Variants in PNPLA4 observed in about 807,000 individuals in gnomAD.
The protein encoded by PNPLA4 is patatin-like phospholipase domain-containing protein 4.
In PNPLA4, 15 loss-of-function variants were observed where a neutral mutation model predicts 18.3. The ratio of observed to expected loss-of-function variants is 0.82; its 90% confidence interval spans 0.55 to 1.26. The LOEUF is 1.26. Among genes scored for constraint, PNPLA4 ranks in the 50% most tolerant of loss-of-function variants. The pLI is 0.00. For synonymous variants in PNPLA4, 88 were observed against 85.6 expected (o/e 1.03, Z -0.16); for missense variants, 229 against 196.8 (o/e 1.16, Z -0.98).
At chrX:7,921,061 G>A (rs1478527622) in intron 4 of PNPLA4, among the ~76,000 whole-genome samples, 2 of 111,764 alleles carry the variant, frequency 1.8e-5, no homozygotes, top group East Asian at 5.6e-4. Context: ...TTTGAGGTCA[G>A]TAGTTCAAGA....
intron 5 of PNPLA4, among the ~76,000 whole-genome samples, chrX:7,909,777 C>T (rs2146756539): frequency 9.0e-6 from 1 of 110,718 alleles, no homozygotes; most frequent in Admixed American, 9.7e-5. Context: ...GAAAGATATA[C>T]AACTTTCCTT....
intron 2 of PNPLA4, among the ~76,000 whole-genome samples, chrX:7,923,271 GGGAAGGAGGGA>G (rs1462832360): frequency 4.5e-5 from 5 of 111,761 alleles, no homozygotes; most frequent in African/African-American, 1.3e-4. Context: ...TTTCTTGTAA[GGGAAGGAGGGA>G]GGTAGGAGAG....
At chrX:7,904,197 G>T (rs1467148403) in intron 5 of PNPLA4, among the ~76,000 whole-genome samples, 1 of 112,137 alleles carries the variant, frequency 8.9e-6, no homozygotes, top group African/African-American at 3.2e-5. Flanking sequence ...GTTTCATCAA[G>T]AAAAATTAAA....
intron 4 of PNPLA4, among the ~76,000 whole-genome samples, chrX:7,918,137 C>T (rs1420729828): frequency 9.0e-6 from 1 of 111,502 alleles, no homozygotes; most frequent in Non-Finnish European, 1.9e-5. Context: ...TCTCTGTCTC[C>T]CATCCCCTCC....
chrX:7,923,559 G>A (rs1449214556), intron 2 of PNPLA4, among the ~76,000 whole-genome samples: 1 of 111,964 alleles, frequency 8.9e-6, no homozygotes, highest in African/African-American at 3.3e-5. Flanking sequence ...AATCAGCAAC[G>A]GGAAATGAAT....
chrX:7,910,410 G>A (rs1017020500), intron 5 of PNPLA4, among the ~76,000 whole-genome samples: 41 of 110,603 alleles, frequency 3.7e-4, no homozygotes, highest in African/African-American at 1.3e-3. Context: ...GGCCCTCAAG[G>A]TGAGTGGGTG....
chrX:7,913,449 T>TTG (rs758627000), intron 4 of PNPLA4, among the ~76,000 whole-genome samples: 5 of 112,211 alleles, frequency 4.5e-5, no homozygotes, highest in Non-Finnish European at 9.4e-5. Flanking sequence ...TTGTAACAGC[T>TTG]CCTATAGCAA....
chrX:7,927,303 A>C lies in PNPLA4; in HGVS notation c.-31T>G, dbSNP rs1924460251. 3 of 113,001 alleles carry C rather than the reference A, an allele frequency of 2.7e-5. No individual in the cohort carries two copies. The Admixed American group carries it at 2.8e-4, about 10-fold the overall frequency. The allele number at this position is 113,001 out of a possible 1,213,427, so 9.3% of individuals were successfully genotyped here. A position where few individuals can be genotyped will look rare whatever the true frequency, so the allele number is the denominator to read the frequency against. On this transcript the variant is annotated 5_prime_UTR_variant, in exon 1 of 7. Coordinates refer to ENST00000381042, the MANE Select transcript of PNPLA4 (RefSeq NM_004650.3). Reference sequence around the variant, plus strand: ...CTCCGTACCAATGCAGCCCCGGGACACTTCCGTGTTGAACGAGTCCCTTTA... The same window carrying C: ...CTCCGTACCAATGCAGCCCCGGGACCCTTCCGTGTTGAACGAGTCCCTTTA...
Position 7,925,997 on chromosome X carries a change from C to T in PNPLA4, c.123G>A (p.Gly41=). The T allele has an allele frequency of 8.3e-7, 1 of 1,211,700 alleles. No homozygotes were observed. The highest frequency in any genetic ancestry group is 2.2e-5 in the Admixed American group (1 of 46,103). ...AAGCAACCAACGATCCCGCAGACGCCCCAGCGAAGGCTTTGACATCCTTCA... is the reference window on the plus strand; with the variant it reads ...AAGCAACCAACGATCCCGCAGACGCTCCAGCGAAGGCTTTGACATCCTTCA... ...KLVKDVKAFA[G]ASAGSLVASV... is the part of the protein sequence containing the mutation. Residue 41 remains glycine, a synonymous_variant, in exon 2 of 7, where the codon GGG becomes GGA. Transcript: ENST00000381042.
intron 5 of PNPLA4, 61 bp downstream of exon 5, chrX:7,911,967 G>T: frequency 1.3e-6 from 1 of 787,075 alleles, no homozygotes; most frequent in Non-Finnish European, 1.9e-6. Flanking sequence ...AAAATTGGAT[G>T]TTTCAAAAGA....
At chrX:7,915,054 T>A (rs1311902386) in intron 4 of PNPLA4, among the ~76,000 whole-genome samples, 2 of 111,836 alleles carry the variant, frequency 1.8e-5, no homozygotes, top group African/African-American at 6.5e-5. Flanking sequence ...TTATTTGTAG[T>A]CAGCTTACTG....
chrX:7,902,391 T>C, intron 5 of PNPLA4, among the ~76,000 whole-genome samples: 1 of 111,962 alleles, frequency 8.9e-6, no homozygotes, highest in Non-Finnish European at 1.9e-5. Flanking sequence ...CTGACTACAG[T>C]GCATGCTTAA....
intron 4 of PNPLA4, among the ~76,000 whole-genome samples, chrX:7,912,351 C>T (rs1267105643): frequency 2.7e-5 from 3 of 112,260 alleles, no homozygotes; most frequent in Non-Finnish European, 5.6e-5. Flanking sequence ...ACACAAGTTA[C>T]TACAAAATGA....
intron 4 of PNPLA4, among the ~76,000 whole-genome samples, chrX:7,914,760 G>A (rs1157899454): frequency 1.8e-5 from 2 of 110,214 alleles, no homozygotes; most frequent in Non-Finnish European, 1.9e-5. Flanking sequence ...CTTTTCCCCC[G>A]TGTCAAAGTA....
chrX:7,923,731 G>C (rs1468931616), intron 2 of PNPLA4, among the ~76,000 whole-genome samples: 2 of 111,458 alleles, frequency 1.8e-5, no homozygotes, highest in African/African-American at 6.5e-5. Context: ...GGGGCACAGA[G>C]CTGAAATGTG....
intron 4 of PNPLA4, among the ~76,000 whole-genome samples, chrX:7,918,865 T>A (rs1374621084): frequency 8.9e-6 from 1 of 112,050 alleles, no homozygotes; most frequent in Non-Finnish European, 1.9e-5. Context: ...ACATCATCCC[T>A]AGTCTTCCCG....
intron 4 of PNPLA4, among the ~76,000 whole-genome samples, chrX:7,919,743 G>C (rs1476548339): frequency 8.9e-6 from 1 of 111,852 alleles, no homozygotes. Flanking sequence ...GGGATGGATA[G>C]GGAGGATGAG....
At chrX:7,908,143 C>A (rs1246660622) in intron 5 of PNPLA4, among the ~76,000 whole-genome samples, 2 of 111,010 alleles carry the variant, frequency 1.8e-5, no homozygotes, top group Non-Finnish European at 3.8e-5. Context: ...CCAGTAATAC[C>A]CGCAATGTAG....
upstream of PNPLA4, chrX:7,927,552 A>G (rs1924481836): frequency 8.8e-6 from 1 of 113,586 alleles, no homozygotes; most frequent in African/African-American, 3.2e-5. Flanking sequence ...CCTCCAGCGC[A>G]GGCAAGGATT....
Sources: gnomAD v4.1 joint callset for allele counts (sites outside exome capture counted in the v4.1 genomes callset) on GRCh38, gnomAD v4.1.1 for gene constraint, MANE v1.5 for transcripts, NCBI Gene and HGNC (gene_info 2026-07-23, HGNC 2026-07-21) for gene names.